Variants in FGF12 observed in about 807,000 individuals in gnomAD.
FGF12 encodes fibroblast growth factor 12B.
FGF12 carries 14 observed loss-of-function variants against 23.6 expected under a neutral mutation model. The ratio of observed to expected loss-of-function variants is 0.59; its 90% CI spans 0.39 to 0.93. The LOEUF (loss-of-function observed/expected upper bound fraction) is 0.93. FGF12 is among the 40% of genes least tolerant of loss of function. The pLI is 0.00. For missense variants in FGF12, 175 were observed against 217.8 expected, an observed-to-expected ratio of 0.80 and a Z score of 1.24; for synonymous variants, 62 against 77.3, an observed-to-expected ratio of 0.80 and a Z score of 1.04.
intron 2 of FGF12, among the ~76,000 whole-genome samples, chr3:192,635,105 C>T (rs1479852177): frequency 6.6e-6 from 1 of 152,186 alleles, no homozygotes; most frequent in East Asian, 1.9e-4. Context: ...AGTGATCCAC[C>T]CACCTCGGCC....
intron 2 of FGF12, among the ~76,000 whole-genome samples, chr3:192,599,570 A>G (rs1345674430): frequency 6.6e-6 from 1 of 152,070 alleles, no homozygotes; most frequent in Non-Finnish European, 1.5e-5. Flanking sequence ...CTATGTAAGT[A>G]TTTCCAACGA....
At position 192,486,173 on chromosome 3, in the gene FGF12, A is replaced by T. The variant is rs573753676; in HGVS notation, c.14-125635T>A. Among the ~76,000 whole-genome samples, 4 of 152,274 alleles carry T rather than the reference A, an allele frequency of 2.6e-5. No individual in the cohort carries two copies. In the South Asian group the frequency reaches 8.3e-4, roughly 32 times the overall value. ...AGTCCTTTTATGCAGTGATCCATCCATTCATATTTATTGAATGCCTCCTGT... is the reference window on the plus strand; with the variant it reads ...AGTCCTTTTATGCAGTGATCCATCCTTTCATATTTATTGAATGCCTCCTGT... On this transcript the variant is annotated intron_variant, in intron 2 of 5. Coordinates refer to ENST00000445105, the MANE Select transcript of FGF12 (RefSeq NM_004113.6).
rs142201319 is a variant in FGF12, at chr3:192,234,996, A to T, written c.229-64340T>A. ...ATGTTCATCAAGGATATTAGCCTGA[A>T]GTTTTCTTTTTCCCTCGTGTCTCTG... On this transcript the variant is annotated intron_variant, in intron 4 of 5. Transcript: ENST00000445105. Among the ~76,000 whole-genome samples, 14 of 152,198 alleles carry T rather than the reference A, an allele frequency of 9.2e-5. No homozygotes were observed. In the East Asian group the frequency reaches 2.3e-3, roughly 25 times the overall value.
intron 2 of FGF12, among the ~76,000 whole-genome samples, chr3:192,430,900 C>A (rs1341519582): frequency 6.6e-6 from 1 of 152,086 alleles, no homozygotes; most frequent in Non-Finnish European, 1.5e-5. Flanking sequence ...ATTTCTCAAC[C>A]TTTGAGTTTT....
At chr3:192,682,414 C>A (rs1717566073) in intron 2 of FGF12, among the ~76,000 whole-genome samples, 1 of 152,158 alleles carries the variant, frequency 6.6e-6, no homozygotes, top group African/African-American at 2.4e-5. Context: ...CCAGCTCCAC[C>A]TCTGCTGTTT....
rs1577387382 is a variant in FGF12, at chr3:192,360,328, G to A, written c.124+100C>T. On this transcript the variant is annotated intron_variant, in intron 3 of 5. Coordinates refer to ENST00000445105, the MANE Select transcript of FGF12 (RefSeq NM_004113.6). The surrounding 1 kb of genome is among the most constrained non-coding windows in gnomAD (Gnocchi z 4.3). Reference sequence around the variant, plus strand: ...TACTAATAGTTAAATAGTTTGAAAGGCATAGTTTGGTAAGGCAGCTTAGCA... The same window carrying A: ...TACTAATAGTTAAATAGTTTGAAAGACATAGTTTGGTAAGGCAGCTTAGCA... 1.0e-5 allele frequency: 8 copies of A among 773,828 alleles called. No individual in the cohort carries two copies. The East Asian group carries it at 2.0e-4, about 19-fold the overall frequency. The allele number at this position is 773,828 out of a possible 1,614,324, so 47.9% of individuals were successfully genotyped here.
chr3:192,230,885 A>G (rs1188154351), intron 4 of FGF12, among the ~76,000 whole-genome samples: 2 of 152,190 alleles, frequency 1.3e-5, no homozygotes, highest in African/African-American at 4.8e-5. Flanking sequence ...AAAAATATAG[A>G]TGGTAGACAT....
At chr3:192,345,240 T>C (rs1486424307) in intron 3 of FGF12, among the ~76,000 whole-genome samples, 1 of 152,200 alleles carries the variant, frequency 6.6e-6, no homozygotes, top group East Asian at 1.9e-4. Context: ...TAGATAAAAG[T>C]AACCACATGT....
chr3:192,657,638 G>A (rs1287058698), intron 2 of FGF12, among the ~76,000 whole-genome samples: 1 of 151,968 alleles, frequency 6.6e-6, no homozygotes, highest in Non-Finnish European at 1.5e-5. Flanking sequence ...TATGAGATTC[G>A]GACTCATGTG....
In FGF12 at chr3:192,525,949, G is replaced by A. The variant is rs192907160; in HGVS notation, c.14-165411C>T. On this transcript the variant is annotated intron_variant, in intron 2 of 5. Coordinates refer to ENST00000445105, the MANE Select transcript of FGF12 (RefSeq NM_004113.6). ...GCCACCACGCCCAGCGAATTTTTGC[G>A]TTTTTAGTAGAGATGGGTTTCACCA... Among the ~76,000 whole-genome samples the A allele has an allele frequency of 2.1e-4, 32 of 152,106 alleles. No homozygotes were observed. The East Asian group carries it at 3.7e-3, about 17-fold the overall frequency.
intron 2 of FGF12, among the ~76,000 whole-genome samples, chr3:192,377,260 C>T (rs938346755): frequency 1.3e-5 from 2 of 152,214 alleles, no homozygotes; most frequent in East Asian, 1.9e-4. Context: ...ACCCAGTCTC[C>T]TGTGCCCACA....
intron 4 of FGF12, among the ~76,000 whole-genome samples, chr3:192,187,891 T>C (rs1716563350): frequency 6.6e-6 from 1 of 152,072 alleles, no homozygotes; most frequent in Non-Finnish European, 1.5e-5. Context: ...TTCCTCGACA[T>C]GGGGGGTCAA....
intron 2 of FGF12, among the ~76,000 whole-genome samples, chr3:192,473,704 A>T (rs114972326): frequency 6.6e-6 from 1 of 152,182 alleles, no homozygotes; most frequent in Non-Finnish European, 1.5e-5. Flanking sequence ...ATTCTCTGGG[A>T]AAGAACCACA....
chr3:192,503,604 T>TGTG (rs1491271285), intron 2 of FGF12, among the ~76,000 whole-genome samples: 5 of 15,740 alleles, frequency 3.2e-4, no homozygotes, highest in East Asian at 2.3e-3. Context: ...TGTGTGTGTG[T>TGTG]TTTTTTTTTT....
intron 4 of FGF12, among the ~76,000 whole-genome samples, chr3:192,205,475 G>C (rs1717601025): frequency 6.6e-6 from 1 of 152,158 alleles, no homozygotes; most frequent in Non-Finnish European, 1.5e-5. Flanking sequence ...GGATTAGTTA[G>C]GGGAAGGGAG....
chr3:192,188,411 C>T (rs1169563531), intron 4 of FGF12, among the ~76,000 whole-genome samples: 1 of 152,098 alleles, frequency 6.6e-6, no homozygotes, highest in Non-Finnish European at 1.5e-5. Flanking sequence ...TAGAGAATGC[C>T]GCCACTAGGT....
At chr3:192,252,323 G>C (rs1019938193) in intron 4 of FGF12, among the ~76,000 whole-genome samples, 3 of 151,468 alleles carry the variant, frequency 2.0e-5, no homozygotes, top group Non-Finnish European at 4.4e-5. Context: ...TTAGCCAGGA[G>C]TGGTGGTAGC....
intron 2 of FGF12, among the ~76,000 whole-genome samples, chr3:192,382,617 T>C (rs1200217492): frequency 6.6e-6 from 1 of 152,170 alleles, no homozygotes. Flanking sequence ...GTTTTTTCCT[T>C]CCTTTGCTAT....
intron 2 of FGF12, among the ~76,000 whole-genome samples, chr3:192,447,088 G>A (rs2108799650): frequency 6.6e-6 from 1 of 152,184 alleles, no homozygotes; most frequent in South Asian, 2.1e-4. Flanking sequence ...CAGTCTTTAA[G>A]ACAATCGCTT....
Sources: gnomAD v4.1 joint callset for allele counts (sites outside exome capture counted in the v4.1 genomes callset) on GRCh38, gnomAD v4.1.1 for gene constraint, Gnocchi (gnomAD v3.1) non-coding constraint, MANE v1.5 for transcripts, NCBI Gene and HGNC (gene_info 2026-07-23, HGNC 2026-07-21) for gene names.